PARD3B: variants seen among roughly 807,000 people sequenced by gnomAD.
The protein encoded by PARD3B is par-3 family cell polarity regulator beta.
A neutral mutation model predicts 130.2 loss-of-function variants in PARD3B; 103 were observed. That is an observed-to-expected ratio of 0.79 (90% CI 0.67 to 0.93). The LOEUF (loss-of-function observed/expected upper bound fraction) is 0.93. PARD3B is among the 40% of genes least tolerant of loss of function. The pLI, the probability that PARD3B is intolerant of heterozygous loss-of-function variation, is 0.00. For synonymous variants in PARD3B, 583 were observed against 553.2 expected, an observed-to-expected ratio of 1.05 and a Z score of -0.76; for missense variants, 1,609 against 1,499.2, an observed-to-expected ratio of 1.07 and a Z score of -1.21.
chr2:204,832,558 A>G (rs1380410916), intron 2 of PARD3B, among the ~76,000 whole-genome samples: 1 of 152,218 alleles, frequency 6.6e-6, no homozygotes, highest in Non-Finnish European at 1.5e-5. Context: ...GTGGCAAATC[A>G]TGCCATACTT....
intron 1 of PARD3B, among the ~76,000 whole-genome samples, chr2:204,558,860 C>A (rs371374087): frequency 6.6e-6 from 1 of 152,076 alleles, no homozygotes; most frequent in African/African-American, 2.4e-5. Flanking sequence ...ACCAATGGAA[C>A]GGAACAGAGG....
rs539494384 is a variant in PARD3B, at chr2:204,689,259, C to T, written c.222+2977C>T. On this transcript the variant is annotated intron_variant, in intron 2 of 22. Coordinates refer to ENST00000406610, the MANE Select transcript of PARD3B (RefSeq NM_001302769.2). This position sits in a 1 kb window ranked among gnomAD's most constrained non-coding sequence, Gnocchi z 5.2. ...CCTTTGGCCAACATAGTGCTTGGCGCATACATGGTATCTGCTTGGGAGCTT... is the reference window on the plus strand; with the variant it reads ...CCTTTGGCCAACATAGTGCTTGGCGTATACATGGTATCTGCTTGGGAGCTT... Among the ~76,000 whole-genome samples the T allele has an allele frequency of 1.3e-5, 2 of 152,260 alleles. No homozygotes were observed. The highest frequency in any genetic ancestry group is 3.9e-4 in the East Asian group (2 of 5,164).
intron 2 of PARD3B, among the ~76,000 whole-genome samples, chr2:204,901,291 C>T (rs1575254565): frequency 1.3e-5 from 2 of 152,118 alleles, no homozygotes; most frequent in Non-Finnish European, 2.9e-5. Context: ...TCTATGGCAG[C>T]TGCACTGGTA....
chr2:205,505,215 G>C (rs1024784019), intron 21 of PARD3B, among the ~76,000 whole-genome samples: 1 of 149,214 alleles, frequency 6.7e-6, no homozygotes, highest in Non-Finnish European at 1.5e-5. Flanking sequence ...ACAGGAAGGG[G>C]AACATGACAC....
chr2:205,165,310 G>A (rs1158850328), intron 11 of PARD3B, among the ~76,000 whole-genome samples: 1 of 152,030 alleles, frequency 6.6e-6, no homozygotes, highest in Non-Finnish European at 1.5e-5. Context: ...ATTTCTGATG[G>A]TTTGAAGTCA....
chr2:204,817,086 A>G (rs1445430239), intron 2 of PARD3B, among the ~76,000 whole-genome samples: 1 of 152,036 alleles, frequency 6.6e-6, no homozygotes, highest in Admixed American at 6.6e-5. Context: ...CTCTTTTTAT[A>G]TATTACATAT....
At chr2:204,619,904 G>T (rs2034238111) in intron 1 of PARD3B, among the ~76,000 whole-genome samples, 1 of 152,122 alleles carries the variant, frequency 6.6e-6, no homozygotes, top group Admixed American at 6.6e-5. Flanking sequence ...AGTGGGAAGG[G>T]TGCTCTACTT....
intron 3 of PARD3B, among the ~76,000 whole-genome samples, chr2:205,044,484 T>G (rs1212828088): frequency 6.8e-6 from 1 of 147,944 alleles, no homozygotes; most frequent in Non-Finnish European, 1.5e-5. Flanking sequence ...CCTGACTTTT[T>G]AATGATTGCC....
chr2:204,910,799 G>A (rs1196389973), intron 2 of PARD3B, among the ~76,000 whole-genome samples: 1 of 151,982 alleles, frequency 6.6e-6, no homozygotes, highest in African/African-American at 2.4e-5. Context: ...GCACCACTAC[G>A]CCTGGCTAAT....
Position 204,922,068 on chromosome 2 carries a change from G to A in PARD3B, c.223-43084G>A, listed in dbSNP as rs188144171. Among the ~76,000 whole-genome samples, 117 of 152,248 alleles carry A rather than the reference G, an allele frequency of 7.7e-4. 1 individual carries two copies. The highest frequency in any genetic ancestry group is 2.0e-3 in the Admixed American group (31 of 15,290). On this transcript the variant is annotated intron_variant, in intron 2 of 22. Transcript: ENST00000406610. The stretch of plus-strand genomic sequence containing the variant: ...AGTGAGAAGACCAGCAGAAGTATGA[G>A]TGGGGTGAGATCATGAATTTAGTTT...
At chr2:204,969,543 G>T (rs1691523720) in intron 3 of PARD3B, among the ~76,000 whole-genome samples, 1 of 152,188 alleles carries the variant, frequency 6.6e-6, no homozygotes, top group South Asian at 2.1e-4. Context: ...ATTAGCAATT[G>T]TGTAGGTAAT....
At chr2:205,152,346 A>G (rs1327278700) in intron 10 of PARD3B, among the ~76,000 whole-genome samples, 5 of 152,148 alleles carry the variant, frequency 3.3e-5, no homozygotes, top group Non-Finnish European at 5.9e-5. Flanking sequence ...TAACATCCTG[A>G]AGAGTGTTTT....
chr2:205,286,646 C>T (rs564841303), intron 16 of PARD3B, among the ~76,000 whole-genome samples: 1 of 152,264 alleles, frequency 6.6e-6, no homozygotes. Flanking sequence ...AACACAAACC[C>T]TTCTCCAGAA....
At chr2:205,222,917 T>C (rs1455393413) in intron 15 of PARD3B, among the ~76,000 whole-genome samples, 2 of 152,102 alleles carry the variant, frequency 1.3e-5, no homozygotes, top group Non-Finnish European at 2.9e-5. Context: ...CTGTAACTGT[T>C]TATTTTGTAA....
Position 205,615,637 on chromosome 2 carries a change from G to C in PARD3B, c.3442G>C (p.Ala1148Pro). 6.2e-7 allele frequency: 1 copy of C among 1,613,704 alleles called. No homozygotes were observed. The highest frequency in any genetic ancestry group is 8.5e-7 in the Non-Finnish European group (1 of 1,179,768). The stretch of plus-strand genomic sequence containing the variant: ...TCCTCAGCACTACCCACCCCCGCCA[G>C]CTCCCCAGCACAAAGGACCCTTTCG... ...RYPQHYPPPP[A>P]PQHKGPFRQD... Residue 1148 changes from alanine (A) to proline (P), a missense_variant, in exon 23 of 23, where the codon GCT becomes CCT. Ala to Pro is a conservative substitution (Grantham distance 27). Transcript: ENST00000406610.
chr2:204,686,130 T>C, intron 1 of PARD3B, 51 bp from the exon 2 acceptor site: 2 of 1,264,798 alleles, frequency 1.6e-6, no homozygotes, highest in Non-Finnish European at 1.1e-6. Flanking sequence ...AAAATGTGTT[T>C]AACTTTTTAA....
At chr2:205,507,168 C>G (rs542002677) in intron 21 of PARD3B, among the ~76,000 whole-genome samples, 1 of 140,142 alleles carries the variant, frequency 7.1e-6, no homozygotes, top group African/African-American at 2.7e-5. Context: ...CACTTCTGAA[C>G]CAACCTTCAT....
At chr2:205,315,448 C>T (rs72942221) in intron 18 of PARD3B, among the ~76,000 whole-genome samples, 164 of 152,256 alleles carry the variant, frequency 1.1e-3, no homozygotes, top group Non-Finnish European at 1.8e-3. Context: ...TAGTGGTTCT[C>T]AAAGTCTGTC....
chr2:205,168,681 C>A (rs1383913124), intron 11 of PARD3B, among the ~76,000 whole-genome samples: 1 of 148,928 alleles, frequency 6.7e-6, no homozygotes, highest in Admixed American at 6.7e-5. Flanking sequence ...TTTTTCCCTC[C>A]TCTGGGTTGC....
Sources: gnomAD v4.1 joint callset for allele counts (sites outside exome capture counted in the v4.1 genomes callset) on GRCh38, gnomAD v4.1.1 for gene constraint, Gnocchi (gnomAD v3.1) non-coding constraint, MANE v1.5 for transcripts, NCBI Gene and HGNC (gene_info 2026-07-23, HGNC 2026-07-21) for gene names.